The following LRRC37A2 variants were observed in gnomAD, a reference collection of about 807,000 sequenced individuals.
The protein encoded by LRRC37A2 is leucine rich repeat containing 37 member A2.
Under a neutral mutation model 68.8 loss-of-function variants are expected in LRRC37A2, and 9 were observed. The ratio of observed to expected loss-of-function variants is 0.13; its 90% CI spans 0.08 to 0.23. The LOEUF is 0.23. Ranked by LOEUF, LRRC37A2 falls within the 10% of genes least tolerant of loss-of-function variation. The pLI, the probability that LRRC37A2 is intolerant of heterozygous loss-of-function variation, is 1.00. For missense variants in LRRC37A2, 168 were observed against 950.4 expected, an observed-to-expected ratio of 0.18 and a Z score of 10.82; for synonymous variants, 63 against 367.6, an observed-to-expected ratio of 0.17 and a Z score of 9.48.
the LRRC37A2 span, chr17:46,885,014 G>T: frequency 2.3e-6 from 1 of 436,550 alleles, no homozygotes; most frequent in Non-Finnish European, 4.5e-6. Flanking sequence ...TTTAGACGAA[G>T]TCTTGTTCTT....
At chr17:47,037,942 T>C in the LRRC37A2 span, among the ~76,000 whole-genome samples, 10 of 152,230 alleles carry the variant, frequency 6.6e-5, 1 homozygote, top group Admixed American at 6.5e-4. Flanking sequence ...CTTTTCATCA[T>C]ATTATAATCC....
the LRRC37A2 span, among the ~76,000 whole-genome samples, chr17:46,804,044 T>C: frequency 1.3e-5 from 2 of 152,004 alleles, no homozygotes; most frequent in Non-Finnish European, 2.9e-5. Flanking sequence ...TTGACTTGCA[T>C]ATTTGTCTTC....
chr17:46,876,186 C>T, the LRRC37A2 span: 4 of 1,479,652 alleles, frequency 2.7e-6, no homozygotes, highest in African/African-American at 1.4e-5. Flanking sequence ...GCTCTGGGGG[C>T]AGGCTCTGGC....
chr17:46,956,516 A>G, the LRRC37A2 span, among the ~76,000 whole-genome samples: 12 of 152,150 alleles, frequency 7.9e-5, no homozygotes, highest in Non-Finnish European at 1.8e-4. Context: ...TGGCCAGGCT[A>G]GTCTCAAACT....
the LRRC37A2 span, chr17:46,938,964 C>T: frequency 3.4e-6 from 5 of 1,452,680 alleles, no homozygotes; most frequent in Non-Finnish European, 4.6e-6. Flanking sequence ...CACCACCATG[C>T]GCGGTGCTTA....
At chr17:46,939,205 T>C in the LRRC37A2 span, 1 of 1,079,008 alleles carries the variant, frequency 9.3e-7, no homozygotes, top group African/African-American at 1.6e-5. Flanking sequence ...AGGCCTTTTC[T>C]CACAGCCATT....
the LRRC37A2 span, chr17:46,872,913 A>G: frequency 2.8e-6 from 3 of 1,086,396 alleles, no homozygotes; most frequent in South Asian, 3.6e-5. Flanking sequence ...CACGGTCCCA[A>G]ATGAGAAGAG....
the LRRC37A2 span, among the ~76,000 whole-genome samples, chr17:46,817,284 G>T: frequency 6.6e-6 from 1 of 152,190 alleles, no homozygotes; most frequent in Non-Finnish European, 1.5e-5. Context: ...AGGCGGTACC[G>T]CACCGTGGTG....
the LRRC37A2 span, among the ~76,000 whole-genome samples, chr17:46,761,458 A>G: frequency 6.6e-6 from 1 of 151,836 alleles, no homozygotes; most frequent in Non-Finnish European, 1.5e-5. Context: ...CAGCCTCTCA[A>G]GTAGCTGGGA....
the LRRC37A2 span, among the ~76,000 whole-genome samples, chr17:46,982,661 C>T: frequency 6.6e-6 from 1 of 152,176 alleles, no homozygotes; most frequent in East Asian, 1.9e-4. Context: ...CTTCATTATC[C>T]CCGTCCCCCT....
chr17:46,761,271 G>A, the LRRC37A2 span, among the ~76,000 whole-genome samples: 5 of 151,630 alleles, frequency 3.3e-5, no homozygotes, highest in African/African-American at 4.8e-5. Context: ...TGAATACAGC[G>A]CAGAGCAGCC....
chr17:46,386,160 G>A, the LRRC37A2 span, among the ~76,000 whole-genome samples: 1 of 117,744 alleles, frequency 8.5e-6, no homozygotes, highest in Non-Finnish European at 2.0e-5. Context: ...GTGCAGTAGT[G>A]TGAACATGGC....
chr17:46,887,757 C>A, the LRRC37A2 span, among the ~76,000 whole-genome samples: 3 of 148,092 alleles, frequency 2.0e-5, no homozygotes, highest in African/African-American at 7.5e-5. Flanking sequence ...TAGCGAGACT[C>A]CCTGTCCAAA....
chr17:46,947,499 C>G, the LRRC37A2 span, among the ~76,000 whole-genome samples: 1 of 152,134 alleles, frequency 6.6e-6, no homozygotes. Context: ...AGCTGTCAGG[C>G]TGGTGTGGGT....
chr17:46,940,948 ACT>A, the LRRC37A2 span: 1,409 of 1,250,846 alleles, frequency 1.1e-3, 3 homozygotes, highest in Admixed American at 5.0e-3. Flanking sequence ...TAACAGTGTG[ACT>A]CTCTCCACCG....
chr17:46,929,883 C>CCTG, the LRRC37A2 span: 1 of 308,140 alleles, frequency 3.2e-6, no homozygotes, highest in Non-Finnish European at 6.1e-6. Context: ...GAGGAATGTA[C>CCTG]TCCATAAAAA....
chr17:46,930,939 C>A, the LRRC37A2 span: 1 of 634,482 alleles, frequency 1.6e-6, no homozygotes. Context: ...TACGGCCTAA[C>A]TTGAATTTTT....
chr17:46,595,903 T>G, the LRRC37A2 span, among the ~76,000 whole-genome samples: 1 of 139,232 alleles, frequency 7.2e-6, no homozygotes, highest in Non-Finnish European at 1.5e-5. Context: ...GTGTTCAAAT[T>G]TTGTAGCTCC....
chr17:46,979,621 C>T, the LRRC37A2 span, among the ~76,000 whole-genome samples: 1 of 152,180 alleles, frequency 6.6e-6, no homozygotes, highest in African/African-American at 2.4e-5. Context: ...GCCGGGACCC[C>T]TGGCGCTGCC....
Sources: allele counts gnomAD v4.1 joint callset (sites outside exome capture counted in the v4.1 genomes callset), GRCh38; gene constraint gnomAD v4.1.1; transcripts MANE v1.5; gene names NCBI Gene and HGNC (gene_info 2026-07-23, HGNC 2026-07-21).